The following DHRSX variants were observed in gnomAD, a reference collection of about 807,000 sequenced individuals.
DHRSX encodes the protein dehydrogenase/reductase X-linked, also known as polyprenol dehydrogenase.
A neutral mutation model predicts 34.0 loss-of-function variants in DHRSX; 31 were observed. The ratio of observed to expected loss-of-function variants is 0.91; its 90% confidence interval spans 0.69 to 1.23. DHRSX has a LOEUF of 1.23. DHRSX is among the 50% of genes most tolerant of loss of function. DHRSX has a pLI of 0.00. For synonymous variants in DHRSX, 201 were observed against 183.8 expected (o/e 1.09, Z -0.76); for missense variants, 414 against 428.1 (o/e 0.97, Z 0.29).
At chrX:2,452,496 C>G (rs1207862347) in intron 1 of DHRSX, among the ~76,000 whole-genome samples, 3 of 150,770 alleles carry the variant, frequency 2.0e-5, no homozygotes, top group East Asian at 2.0e-4. Flanking sequence ...CCTAACCATG[C>G]GCCCAAGGGA....
At chrX:2,294,875 TGAGA>T (rs1248775579) in intron 3 of DHRSX, among the ~76,000 whole-genome samples, 6 of 149,952 alleles carry the variant, frequency 4.0e-5, no homozygotes, top group Non-Finnish European at 5.9e-5. Context: ...GAGAATGAAA[TGAGA>T]GAAAGTGTGT....
intron 4 of DHRSX, among the ~76,000 whole-genome samples, chrX:2,276,635 A>G (rs1479242262): frequency 6.6e-6 from 1 of 151,728 alleles, no homozygotes; most frequent in African/African-American, 2.4e-5. Flanking sequence ...CAGTGAACAC[A>G]GGTGAGGTGT....
At chrX:2,360,507 C>T (rs1248248414) in intron 3 of DHRSX, among the ~76,000 whole-genome samples, 14 of 152,148 alleles carry the variant, frequency 9.2e-5, no homozygotes, top group Non-Finnish European at 1.9e-4. Context: ...CGCTTGAACC[C>T]GGGAGGCGGA....
intron 1 of DHRSX, chrX:2,490,669 G>T: frequency 6.8e-6 from 11 of 1,613,920 alleles, no homozygotes; most frequent in Non-Finnish European, 9.3e-6. Context: ...CGCGGGGGTG[G>T]GCCACCAGCT....
intron 3 of DHRSX, among the ~76,000 whole-genome samples, chrX:2,356,847 C>T (rs1041405753): frequency 6.6e-5 from 10 of 152,168 alleles, no homozygotes; most frequent in African/African-American, 2.2e-4. Flanking sequence ...GTATGCAATA[C>T]ATAGAACATA....
chrX:2,372,707 C>G (rs1220339920), intron 3 of DHRSX, among the ~76,000 whole-genome samples: 5 of 151,746 alleles, frequency 3.3e-5, no homozygotes, highest in African/African-American at 1.2e-4. Flanking sequence ...CTCCCGGGTT[C>G]AAGCGATGCT....
At chrX:2,458,653 G>C (rs183465312) in intron 1 of DHRSX, among the ~76,000 whole-genome samples, 1 of 148,426 alleles carries the variant, frequency 6.7e-6, no homozygotes, top group South Asian at 2.1e-4. Flanking sequence ...AGAGTGCAAT[G>C]GTGGTTGCCA....
At chrX:2,361,882 T>C (rs2042938394) in intron 3 of DHRSX, among the ~76,000 whole-genome samples, 1 of 152,226 alleles carries the variant, frequency 6.6e-6, no homozygotes, top group Admixed American at 6.5e-5. Context: ...AAGCATTTCA[T>C]TTTCTTTTCT....
At chrX:2,291,401 G>A in intron 4 of DHRSX, 101 bp downstream of exon 4, 1 of 882,252 alleles carries the variant, frequency 1.1e-6, no homozygotes, top group Non-Finnish European at 1.9e-6. Context: ...TAATTCCCAT[G>A]GATATCCTGT....
intron 3 of DHRSX, among the ~76,000 whole-genome samples, chrX:2,338,664 C>T (rs1482753800): frequency 6.6e-6 from 1 of 152,080 alleles, no homozygotes; most frequent in Non-Finnish European, 1.5e-5. Context: ...GGTCTCTGTA[C>T]ACATACCAGC....
In DHRSX at chrX:2,266,890, C is replaced by A; in HGVS notation, c.446G>T (p.Gly149Val). Residue 149 changes from glycine (G) to valine (V), a missense_variant, in exon 5 of 7, where the codon GGC becomes GTC. Coordinates refer to ENST00000334651, the MANE Select transcript of DHRSX (RefSeq NM_145177.3). ...KTRDGFEEHF[G>V]LNYLGHFLLT... ...CAGGAAGTGCCCTAGGTAGTTCAGG[C>A]CGAAATGTTCTTCGAATCCATCTCT... 6.2e-7 allele frequency: 1 copy of A among 1,613,946 alleles called. No homozygotes were observed. Among genetic ancestry groups the A allele is most frequent in the Non-Finnish European group, 8.5e-7 (1 of 1,179,872 alleles).
intron 3 of DHRSX, among the ~76,000 whole-genome samples, chrX:2,316,533 T>C (rs1445182403): frequency 2.6e-5 from 4 of 151,870 alleles, no homozygotes; most frequent in East Asian, 1.9e-4. Flanking sequence ...GCCTGGGTGA[T>C]AGAGCAAGAC....
At chrX:2,500,526 A>C in intron 1 of DHRSX, 1 of 158,012 alleles carries the variant, frequency 6.3e-6, no homozygotes. Context: ...TTGGAGCCCG[A>C]CCCGGGACAG....
intron 4 of DHRSX, among the ~76,000 whole-genome samples, chrX:2,289,607 G>A (rs929549789): frequency 4.6e-5 from 7 of 152,204 alleles, no homozygotes; most frequent in Admixed American, 4.6e-4. Context: ...TAATGAGTAA[G>A]GGTGTTACAC....
At chrX:2,456,992 C>T (rs2044307975) in intron 1 of DHRSX, among the ~76,000 whole-genome samples, 1 of 152,038 alleles carries the variant, frequency 6.6e-6, no homozygotes, top group Admixed American at 6.6e-5. Context: ...TGGAGAATGT[C>T]TGAGATGGCC....
intron 4 of DHRSX, 28 bp downstream of exon 4, chrX:2,291,474 G>A (rs1388044448): frequency 2.6e-6 from 4 of 1,566,876 alleles, no homozygotes; most frequent in South Asian, 1.1e-5. Flanking sequence ...ATTAACCCCT[G>A]GCTTGCTGCA....
intron 1 of DHRSX, among the ~76,000 whole-genome samples, chrX:2,468,765 G>T (rs1206188507): frequency 6.8e-6 from 1 of 148,062 alleles, no homozygotes; most frequent in Non-Finnish European, 1.5e-5. Flanking sequence ...GACCACCACC[G>T]TGTACACACT....
At chrX:2,406,032 G>A (rs36070435) in intron 3 of DHRSX, among the ~76,000 whole-genome samples, 50,574 of 151,810 alleles carry the variant, frequency 0.33, 9,551 homozygotes, top group East Asian at 0.66. Context: ...AGTGGCTCAC[G>A]CCTGTAATCC....
At chrX:2,263,558 G>A (rs1399464547) in intron 5 of DHRSX, among the ~76,000 whole-genome samples, 1 of 143,216 alleles carries the variant, frequency 7.0e-6, no homozygotes, top group African/African-American at 2.6e-5. Flanking sequence ...TTGTTACTCC[G>A]GCTGGAGTGC....
Sources: allele counts gnomAD v4.1 joint callset (sites outside exome capture counted in the v4.1 genomes callset), GRCh38; gene constraint gnomAD v4.1.1; transcripts MANE v1.5; gene names NCBI Gene and HGNC (gene_info 2026-07-23, HGNC 2026-07-21).